PPFIBP1: variants seen among roughly 807,000 people sequenced by gnomAD.
PPFIBP1 encodes the protein liprin-beta-1.
In PPFIBP1, 112 loss-of-function variants were observed where a neutral mutation model predicts 137.8. The observed-to-expected ratio is 0.81, with a 90% CI of 0.70 to 0.95. The LOEUF (loss-of-function observed/expected upper bound fraction) is 0.95. PPFIBP1 is among the 40% of genes least tolerant of loss of function. The pLI is 0.00. For missense variants in PPFIBP1, 1,083 were observed against 1,196.6 expected, an observed-to-expected ratio of 0.91 and a Z score of 1.40; for synonymous variants, 378 against 417.3, an observed-to-expected ratio of 0.91 and a Z score of 1.15.
chr12:27,641,032 G>C (rs2058077259), intron 4 of PPFIBP1, among the ~76,000 whole-genome samples: 1 of 152,170 alleles, frequency 6.6e-6, no homozygotes, highest in African/African-American at 2.4e-5. Flanking sequence ...ATGAAATCAA[G>C]ACTGCGTGAC....
chr12:27,635,785 C>G (rs1245478669), intron 4 of PPFIBP1: 1 of 152,188 alleles, frequency 6.6e-6, no homozygotes, highest in African/African-American at 2.4e-5. Context: ...AGGCCGCTTT[C>G]TAGGCATCCT....
chr12:27,672,598 A>G, intron 15 of PPFIBP1, 115 bp downstream of exon 15: 1 of 782,740 alleles, frequency 1.3e-6, no homozygotes, highest in Non-Finnish European at 2.1e-6. Context: ...TAAATTACTG[A>G]ATAAATCAAT....
intron 1 of PPFIBP1, among the ~76,000 whole-genome samples, chr12:27,551,691 T>C (rs1449483298): frequency 1.3e-5 from 2 of 152,186 alleles, no homozygotes; most frequent in Non-Finnish European, 2.9e-5. Context: ...CCAGCCAAAG[T>C]CTCTGTAACA....
At chr12:27,527,311 CAGTCTCGGCTCACTGT>C (rs1943874098) in intron 1 of PPFIBP1, among the ~76,000 whole-genome samples, 1 of 151,176 alleles carries the variant, frequency 6.6e-6, no homozygotes, top group Non-Finnish European at 1.5e-5. Flanking sequence ...TGCAGTGGTG[CAGTCTCGGCTCACTGT>C]AGCCTCTGCC....
At chr12:27,537,095 C>G (rs554070573) in intron 1 of PPFIBP1, among the ~76,000 whole-genome samples, 1 of 151,982 alleles carries the variant, frequency 6.6e-6, no homozygotes, top group African/African-American at 2.4e-5. Flanking sequence ...CAGACCTTGC[C>G]GTTGTCTCCT....
chr12:27,597,412 C>G (rs778545804), intron 2 of PPFIBP1, among the ~76,000 whole-genome samples: 2 of 152,158 alleles, frequency 1.3e-5, no homozygotes, highest in African/African-American at 2.4e-5. Context: ...CCTCGGCTCC[C>G]CAAAGTGTTG....
chr12:27,663,361 G>A (rs1213516304), intron 11 of PPFIBP1, among the ~76,000 whole-genome samples: 1 of 152,200 alleles, frequency 6.6e-6, no homozygotes, highest in African/African-American at 2.4e-5. Flanking sequence ...AGCAAAGAGG[G>A]TCATGGACAG....
At position 27,693,175 on chromosome 12, in the gene PPFIBP1, C is replaced by T. The variant is rs2061650726; in HGVS notation, c.*293C>T. 1 of 271,466 alleles carries T rather than the reference C, an allele frequency of 3.7e-6. No homozygotes were observed. The highest frequency in any genetic ancestry group is 6.9e-6 in the Non-Finnish European group (1 of 144,982). 16.8% of individuals were successfully genotyped at this position (271,466 alleles called of 1,614,324 possible). On this transcript the variant is annotated 3_prime_UTR_variant, in exon 30 of 30. Coordinates refer to ENST00000228425, the MANE Select transcript of PPFIBP1 (RefSeq NM_003622.4). The stretch of plus-strand genomic sequence containing the variant: ...GATGAGTATTTTACCAGAGTGTTTC[C>T]ATTCATATCCGCGGTATGGAGGATT...
At chr12:27,612,351 T>TTTTC (rs1592847187) in intron 2 of PPFIBP1, among the ~76,000 whole-genome samples, 1 of 146,312 alleles carries the variant, frequency 6.8e-6, no homozygotes, top group Non-Finnish European at 1.5e-5. Flanking sequence ...TTTTTTTTTT[T>TTTTC]GAGACAGGGT....
At chr12:27,625,121 G>T (rs1462431862) in intron 2 of PPFIBP1, among the ~76,000 whole-genome samples, 1 of 151,934 alleles carries the variant, frequency 6.6e-6, no homozygotes, top group African/African-American at 2.4e-5. Context: ...AATAAGCCAG[G>T]TGTGGTAGTC....
intron 2 of PPFIBP1, among the ~76,000 whole-genome samples, chr12:27,617,271 A>G (rs2055865083): frequency 6.6e-6 from 1 of 152,154 alleles, no homozygotes; most frequent in African/African-American, 2.4e-5. Context: ...AGAATACTCA[A>G]GTTTCGAGGT....
rs2050083459 is a variant in PPFIBP1, at chr12:27,570,848, G to A, written c.-123-7304G>A. Among the ~76,000 whole-genome samples the A allele has an allele frequency of 2.0e-5, 3 of 152,126 alleles. No homozygotes were observed. The South Asian group carries it at 6.2e-4, about 32-fold the overall frequency. On this transcript the variant is annotated intron_variant, in intron 1 of 29. Transcript: ENST00000228425. The stretch of plus-strand genomic sequence containing the variant: ...GAATGGCGTGAACCCGGGAGGCAGA[G>A]CTTGCAGTTAGCCGAGATGGCACCA...
rs529861395 is a variant in PPFIBP1 at position 27,601,371 on chromosome 12, A to G, written c.-36+23132A>G. 2.8e-3 allele frequency among the ~76,000 whole-genome samples: 420 copies of G among 152,294 alleles called. 2 individuals are homozygous for G. The highest frequency in any genetic ancestry group is 9.3e-3 in the African/African-American group (386 of 41,560). On this transcript the variant is annotated intron_variant, in intron 2 of 29. Transcript: ENST00000228425. ...GGGGAGAGGATGGGTATGATTTCCT[A>G]TGCTCTGTTTGCATGTTCATTCCCA...
rs145077880 is a variant in PPFIBP1 at position 27,647,154 on chromosome 12, C to T, written c.358-575C>T. ...GTAACTGGGATTACAGGCACATGCC[C>T]CCACAGCCAGCTAATTTTGTATTTT... On this transcript the variant is annotated intron_variant, in intron 5 of 29. Transcript: ENST00000228425. 4.6e-3 allele frequency among the ~76,000 whole-genome samples: 694 copies of T among 152,148 alleles called. 5 individuals carry two copies. The highest frequency in any genetic ancestry group is 0.016 in the African/African-American group (669 of 41,516).
chr12:27,661,489 T>C (rs2059548500), intron 11 of PPFIBP1, among the ~76,000 whole-genome samples: 1 of 152,208 alleles, frequency 6.6e-6, no homozygotes, highest in Non-Finnish European at 1.5e-5. Context: ...CCCCCCCCAG[T>C]TGGTTCTTGT....
At position 27,694,614 on chromosome 12, in the gene PPFIBP1, A is replaced by C. The variant is rs551501183; in HGVS notation, c.*1732A>C. 6.6e-6 allele frequency: 1 copy of C among 152,218 alleles called. No individual in the cohort carries two copies. Among genetic ancestry groups the C allele is most frequent in the Non-Finnish European group, 1.5e-5 (1 of 68,040 alleles). The allele number at this position is 152,218 out of a possible 1,614,324, so 9.4% of individuals were successfully genotyped here. ...ATAATGGCTATTTTGTGACGATAAG[A>C]TGTAGTTCATGTTTTTCTGTAGCAC... On this transcript the variant is annotated 3_prime_UTR_variant, in exon 30 of 30. Coordinates refer to ENST00000228425, the MANE Select transcript of PPFIBP1 (RefSeq NM_003622.4).
intron 2 of PPFIBP1, among the ~76,000 whole-genome samples, chr12:27,591,535 A>G (rs372820786): frequency 2.6e-5 from 4 of 152,326 alleles, no homozygotes; most frequent in South Asian, 2.1e-4. Flanking sequence ...AAATGTTTCA[A>G]TGAGAATTGA....
intron 11 of PPFIBP1, among the ~76,000 whole-genome samples, chr12:27,663,343 A>G (rs2059663146): frequency 6.6e-6 from 1 of 152,206 alleles, no homozygotes; most frequent in African/African-American, 2.4e-5. Flanking sequence ...AGTTGAGCAC[A>G]TGGGAAAAGC....
Position 27,681,627 on chromosome 12 carries a change from G to A in PPFIBP1, c.1977G>A (p.Leu659=), listed in dbSNP as rs749670136. 2 of 1,614,064 alleles carry A rather than the reference G, an allele frequency of 1.2e-6. No individual in the cohort carries two copies. Among genetic ancestry groups the A allele is most frequent in the African/African-American group, 2.7e-5 (2 of 74,934 alleles). Residue 659 remains leucine (L), a synonymous_variant, in exon 22 of 30, where the codon CTG becomes CTA. Coordinates refer to ENST00000228425, the MANE Select transcript of PPFIBP1 (RefSeq NM_003622.4). Reference sequence around the variant, plus strand: ...TGGAACAGGGCTTGGGCTCGTACCTGAATTCTGGCAAGCACTGGATTGCAT... The same window carrying A: ...TGGAACAGGGCTTGGGCTCGTACCTAAATTCTGGCAAGCACTGGATTGCAT... ...WLMEQGLGSY[L]NSGKHWIASG...
Sources: gnomAD v4.1 joint callset for allele counts (sites outside exome capture counted in the v4.1 genomes callset) on GRCh38, gnomAD v4.1.1 for gene constraint, MANE v1.5 for transcripts, NCBI Gene and HGNC (gene_info 2026-07-23, HGNC 2026-07-21) for gene names.